Variants in CACNA2D3 observed in about 807,000 individuals in gnomAD.
CACNA2D3 encodes the protein voltage-dependent calcium channel subunit alpha-2/delta-3.
A neutral mutation model predicts 160.6 loss-of-function variants in CACNA2D3; 60 were observed. The ratio of observed to expected loss-of-function variants is 0.37; its 90% CI spans 0.30 to 0.46. The LOEUF (loss-of-function observed/expected upper bound fraction) is 0.46, where lower values mean the gene tolerates loss of function less well. Among genes scored for constraint, CACNA2D3 ranks in the 20% least tolerant of loss-of-function variants. The pLI, the probability that CACNA2D3 is intolerant of heterozygous loss-of-function variation, is 1.00. For synonymous variants in CACNA2D3, 558 were observed against 492.9 expected, an observed-to-expected ratio of 1.13 and a Z score of -1.75; for missense variants, 1,205 against 1,365.0, an observed-to-expected ratio of 0.88 and a Z score of 1.85.
intron 5 of CACNA2D3, among the ~76,000 whole-genome samples, chr3:54,515,552 A>C (rs545825160): frequency 2.6e-5 from 4 of 152,342 alleles, no homozygotes; most frequent in African/African-American, 9.6e-5. Flanking sequence ...GAGGTAGCAG[A>C]ACGCCCAAGT....
At chr3:54,467,485 G>C (rs1189244649) in intron 4 of CACNA2D3, among the ~76,000 whole-genome samples, 1 of 152,232 alleles carries the variant, frequency 6.6e-6, no homozygotes, top group Non-Finnish European at 1.5e-5. Context: ...ACTTGGGCAA[G>C]CCATTGTGAG....
At chr3:54,664,389 C>T (rs185164886) in intron 11 of CACNA2D3, among the ~76,000 whole-genome samples, 3 of 152,330 alleles carry the variant, frequency 2.0e-5, no homozygotes, top group East Asian at 1.9e-4. Flanking sequence ...TTCCAAAATA[C>T]TCTGTCATTT....
chr3:54,718,967 A>G (rs1356499561), intron 11 of CACNA2D3, among the ~76,000 whole-genome samples: 1 of 151,990 alleles, frequency 6.6e-6, no homozygotes, highest in Non-Finnish European at 1.5e-5. Context: ...CTAATATTTG[A>G]AAGCCATCAA....
intron 2 of CACNA2D3, among the ~76,000 whole-genome samples, chr3:54,285,559 G>T (rs906786985): frequency 5.9e-5 from 9 of 152,226 alleles, no homozygotes; most frequent in Non-Finnish European, 1.0e-4. Flanking sequence ...AAATGTCCCT[G>T]TCTGACAGCT....
chr3:54,181,485 TTTTAAGTAA>T (rs1249157691), intron 2 of CACNA2D3, among the ~76,000 whole-genome samples: 2 of 152,206 alleles, frequency 1.3e-5, no homozygotes, highest in African/African-American at 4.8e-5. Flanking sequence ...TACGAATTAT[TTTTAAGTAA>T]TTCCAAATAT....
chr3:54,734,166 C>T (rs183643592), intron 11 of CACNA2D3, among the ~76,000 whole-genome samples: 140 of 152,244 alleles, frequency 9.2e-4, no homozygotes, highest in African/African-American at 2.9e-3. Context: ...GGCTTAGCAA[C>T]GGGGTAGCAT....
intron 5 of CACNA2D3, among the ~76,000 whole-genome samples, chr3:54,531,983 C>T (rs552887199): frequency 4.6e-5 from 7 of 152,268 alleles, no homozygotes; most frequent in Non-Finnish European, 7.4e-5. Context: ...CTTGCCTCTC[C>T]GCGAGCCCAC....
At chr3:54,412,408 ACT>A (rs541514036) in intron 4 of CACNA2D3, among the ~76,000 whole-genome samples, 77 of 150,870 alleles carry the variant, frequency 5.1e-4, no homozygotes, top group Admixed American at 1.8e-3. Context: ...GTATTTTGAA[ACT>A]CTTTTTATTA....
chr3:54,540,202 A>G (rs932537115), intron 5 of CACNA2D3, among the ~76,000 whole-genome samples: 3 of 152,128 alleles, frequency 2.0e-5, no homozygotes, highest in Admixed American at 1.3e-4. Flanking sequence ...TTATGGAAAT[A>G]ATGATTTCCT....
chr3:54,360,092 C>T (rs750337745), intron 3 of CACNA2D3, among the ~76,000 whole-genome samples: 2 of 152,190 alleles, frequency 1.3e-5, no homozygotes, highest in African/African-American at 2.4e-5. Flanking sequence ...TGGTTGGCCC[C>T]CCACCTTTTT....
At chr3:55,052,782 G>A (rs1704259214) in intron 35 of CACNA2D3, among the ~76,000 whole-genome samples, 1 of 152,014 alleles carries the variant, frequency 6.6e-6, no homozygotes, top group Non-Finnish European at 1.5e-5. Flanking sequence ...AGTACGCTTT[G>A]TCTAATATTA....
intron 10 of CACNA2D3, chr3:54,638,709 G>C (rs969155330): frequency 6.6e-6 from 1 of 151,964 alleles, no homozygotes; most frequent in Admixed American, 6.5e-5. Context: ...AGAATGCCTG[G>C]ACGTCAGGCA....
chr3:54,216,821 T>C (rs1701471268), intron 2 of CACNA2D3, among the ~76,000 whole-genome samples: 1 of 152,166 alleles, frequency 6.6e-6, no homozygotes, highest in African/African-American at 2.4e-5. Flanking sequence ...AAACCAGCCA[T>C]CTAGCTCTTA....
chr3:54,862,871 T>A (rs1257708087), intron 17 of CACNA2D3, among the ~76,000 whole-genome samples: 1 of 152,198 alleles, frequency 6.6e-6, no homozygotes, highest in East Asian at 1.9e-4. Context: ...AGGAAGTCAA[T>A]GTTTTTGCAG....
At chr3:54,359,143 A>T (rs1222732585) in intron 3 of CACNA2D3, among the ~76,000 whole-genome samples, 1 of 152,218 alleles carries the variant, frequency 6.6e-6, no homozygotes, top group Non-Finnish European at 1.5e-5. Context: ...ACATGGCTTC[A>T]GGGTCTGTCC....
At chr3:54,251,489 C>T (rs1349029333) in intron 2 of CACNA2D3, among the ~76,000 whole-genome samples, 1 of 152,206 alleles carries the variant, frequency 6.6e-6, no homozygotes, top group African/African-American at 2.4e-5. Flanking sequence ...CTTTTGGAAA[C>T]ATTATTACTC....
At chr3:55,029,159 T>C (rs1208026672) in intron 35 of CACNA2D3, among the ~76,000 whole-genome samples, 1 of 152,202 alleles carries the variant, frequency 6.6e-6, no homozygotes, top group Non-Finnish European at 1.5e-5. Flanking sequence ...AAATGACCTG[T>C]ATAATGGATC....
intron 5 of CACNA2D3, among the ~76,000 whole-genome samples, chr3:54,555,304 G>T (rs1702226364): frequency 6.6e-6 from 1 of 152,148 alleles, no homozygotes; most frequent in South Asian, 2.1e-4. Flanking sequence ...TATGTGGGCT[G>T]ACCATCTCAG....
chr3:54,857,680 G>A (rs7653675), intron 17 of CACNA2D3, among the ~76,000 whole-genome samples: 10 of 152,122 alleles, frequency 6.6e-5, no homozygotes, highest in Admixed American at 3.9e-4. Context: ...CCTGTTCTCA[G>A]GGACTTCTGA....
Sources: allele counts gnomAD v4.1 joint callset (sites outside exome capture counted in the v4.1 genomes callset), GRCh38; gene constraint gnomAD v4.1.1; transcripts MANE v1.5; gene names NCBI Gene and HGNC (gene_info 2026-07-23, HGNC 2026-07-21).